The following PRKCE variants were observed in gnomAD, a reference collection of about 807,000 sequenced individuals.
The protein encoded by PRKCE is protein kinase C epsilon.
Under a neutral mutation model 85.4 loss-of-function variants are expected in PRKCE, and 16 were observed. That is an observed-to-expected ratio of 0.19 (90% CI 0.13 to 0.28). The LOEUF (loss-of-function observed/expected upper bound fraction) is 0.28. Among genes scored for constraint, PRKCE ranks in the 10% least tolerant of loss-of-function variants. The pLI, the probability that PRKCE is intolerant of heterozygous loss-of-function variation, is 1.00. For synonymous variants in PRKCE, 388 were observed against 371.5 expected (o/e 1.04, Z -0.51); for missense variants, 573 against 975.2 (o/e 0.59, Z 5.49).
intron 1 of PRKCE, among the ~76,000 whole-genome samples, chr2:45,835,287 A>G (rs1007329173): frequency 6.6e-6 from 1 of 152,222 alleles, no homozygotes; most frequent in Non-Finnish European, 1.5e-5. Context: ...TTGAGGTATA[A>G]TTTACATACA....
chr2:45,690,838 G>A (rs904681679), intron 1 of PRKCE, among the ~76,000 whole-genome samples: 10 of 152,216 alleles, frequency 6.6e-5, no homozygotes, highest in Admixed American at 4.6e-4. Context: ...GACCATCCAG[G>A]TGCTCCCAGA....
intron 1 of PRKCE, among the ~76,000 whole-genome samples, chr2:45,773,465 C>T (rs1055185280): frequency 2.0e-5 from 3 of 152,270 alleles, no homozygotes; most frequent in Non-Finnish European, 2.9e-5. Flanking sequence ...CTTGTGCAGA[C>T]GAAGAAGCCA....
intron 11 of PRKCE, among the ~76,000 whole-genome samples, chr2:46,093,758 G>T (rs1209481567): frequency 6.6e-6 from 1 of 152,010 alleles, no homozygotes; most frequent in Non-Finnish European, 1.5e-5. Flanking sequence ...TGTGGAAAAT[G>T]AGGTTTTAGT....
intron 1 of PRKCE, among the ~76,000 whole-genome samples, chr2:45,726,549 A>C (rs1388337463): frequency 6.6e-6 from 1 of 152,226 alleles, no homozygotes; most frequent in Non-Finnish European, 1.5e-5. Context: ...GTACATTTTT[A>C]GACATAATTA....
intron 2 of PRKCE, among the ~76,000 whole-genome samples, chr2:45,897,647 A>T (rs1238570919): frequency 1.3e-5 from 2 of 152,188 alleles, no homozygotes; most frequent in African/African-American, 4.8e-5. Context: ...GCTACATTTC[A>T]GTGGCTTTCA....
intron 1 of PRKCE, among the ~76,000 whole-genome samples, chr2:45,655,011 G>A (rs1675312189): frequency 6.6e-6 from 1 of 152,192 alleles, no homozygotes; most frequent in Admixed American, 6.5e-5. Flanking sequence ...GAGAGATCTG[G>A]CCTGAAGTAA....
intron 2 of PRKCE, among the ~76,000 whole-genome samples, chr2:45,899,096 A>AGGACAGGAAGACTGCAG (rs1309285575): frequency 7.9e-5 from 12 of 152,232 alleles, no homozygotes; most frequent in African/African-American, 2.9e-4. Flanking sequence ...CAAGTCCCGC[A>AGGACAGGAAGACTGCAG]GGACAGGAAG....
chr2:46,126,686 A>G (rs539019571), intron 11 of PRKCE, among the ~76,000 whole-genome samples: 2 of 152,264 alleles, frequency 1.3e-5, no homozygotes, highest in African/African-American at 4.8e-5. Flanking sequence ...GTGTCTCCCC[A>G]TAGGACCTAA....
chr2:45,741,816 C>G (rs1198478161), intron 1 of PRKCE, among the ~76,000 whole-genome samples: 1 of 152,214 alleles, frequency 6.6e-6, no homozygotes, highest in Admixed American at 6.5e-5. Context: ...CAGGTCTTCT[C>G]TGTTCCAGCA....
chr2:45,792,311 C>T (rs1178755306), intron 1 of PRKCE, among the ~76,000 whole-genome samples: 3 of 152,184 alleles, frequency 2.0e-5, no homozygotes, highest in African/African-American at 7.2e-5. Context: ...GAGATCCATC[C>T]CCATAACCCA....
At chr2:45,771,736 T>TGTGTGTGTGA (rs1274565261) in intron 1 of PRKCE, among the ~76,000 whole-genome samples, 2 of 141,092 alleles carry the variant, frequency 1.4e-5, no homozygotes, top group South Asian at 4.7e-4. Context: ...TGTGTGTGTG[T>TGTGTGTGTGA]GAGTGTGTGT....
At chr2:46,179,012 A>G (rs1380025824) in intron 14 of PRKCE, among the ~76,000 whole-genome samples, 1 of 152,184 alleles carries the variant, frequency 6.6e-6, no homozygotes, top group Admixed American at 6.5e-5. Flanking sequence ...AGCATGTCTC[A>G]GTTCAGGTCA....
intron 2 of PRKCE, among the ~76,000 whole-genome samples, chr2:45,962,115 G>T (rs1701424757): frequency 6.6e-6 from 1 of 152,208 alleles, no homozygotes; most frequent in African/African-American, 2.4e-5. Flanking sequence ...CGTATGCAGG[G>T]CTTAGATTTT....
chr2:46,144,312 C>G (rs1558499444), intron 11 of PRKCE, among the ~76,000 whole-genome samples: 1 of 152,212 alleles, frequency 6.6e-6, no homozygotes, highest in East Asian at 1.9e-4. Context: ...AGTGATCTTA[C>G]AAATGCATTG....
intron 2 of PRKCE, among the ~76,000 whole-genome samples, chr2:45,869,852 T>A (rs536101491): frequency 5.4e-4 from 82 of 151,704 alleles, no homozygotes; most frequent in African/African-American, 1.9e-3. Flanking sequence ...GGACTACAGG[T>A]GCACGCCACC....
intron 2 of PRKCE, among the ~76,000 whole-genome samples, chr2:45,904,283 G>A (rs1696806266): frequency 6.6e-6 from 1 of 152,088 alleles, no homozygotes; most frequent in Admixed American, 6.5e-5. Context: ...AAAGAAGCCG[G>A]TTGCGTGCGA....
Position 45,697,488 on chromosome 2 carries a change from G to A in PRKCE, c.348+45040G>A, listed in dbSNP as rs1224713417. On this transcript the variant is annotated intron_variant, in intron 1 of 14. Transcript: ENST00000306156. This position sits in a 1 kb window ranked among gnomAD's most constrained non-coding sequence, Gnocchi z 4.2. ...CAAACCAGAGTGGAAATGGCAACCCGAGGCTCCCCAGCAAAAGCAAAGAAT... is the reference window on the plus strand; with the variant it reads ...CAAACCAGAGTGGAAATGGCAACCCAAGGCTCCCCAGCAAAAGCAAAGAAT... Among the ~76,000 whole-genome samples, 2 of 152,164 alleles carry A rather than the reference G, an allele frequency of 1.3e-5. No individual in the cohort carries two copies. Among genetic ancestry groups the A allele is most frequent in the African/African-American group, 4.8e-5 (2 of 41,416 alleles).
intron 10 of PRKCE, among the ~76,000 whole-genome samples, chr2:46,050,139 A>G (rs1337490003): frequency 1.6e-4 from 24 of 152,238 alleles, no homozygotes; most frequent in Admixed American, 1.4e-3. Context: ...TGTGATGCAC[A>G]TTCCCAGATC....
chr2:45,688,608 G>A (rs888153411), intron 1 of PRKCE, among the ~76,000 whole-genome samples: 1 of 152,170 alleles, frequency 6.6e-6, no homozygotes, highest in Non-Finnish European at 1.5e-5. Context: ...AATGGTGAAT[G>A]CCTAAACCAC....
Sources: gnomAD v4.1 joint callset for allele counts (sites outside exome capture counted in the v4.1 genomes callset) on GRCh38, gnomAD v4.1.1 for gene constraint, Gnocchi (gnomAD v3.1) non-coding constraint, MANE v1.5 for transcripts, NCBI Gene and HGNC (gene_info 2026-07-23, HGNC 2026-07-21) for gene names.